The following SETD5 variants were observed in gnomAD, a reference collection of about 807,000 sequenced individuals.
SETD5 encodes the protein SET domain containing 5.
Under a neutral mutation model 153.3 loss-of-function variants are expected in SETD5, and 44 were observed. The ratio of observed to expected loss-of-function variants is 0.29; its 90% CI spans 0.23 to 0.37. The LOEUF (loss-of-function observed/expected upper bound fraction) is 0.37, where lower values mean the gene tolerates loss of function less well. SETD5 is among the 10% of genes least tolerant of loss of function. The probability of loss-of-function intolerance (pLI) is 1.00; values close to 1 mark genes in which losing one functional copy is unlikely to be tolerated. For synonymous variants in SETD5, 716 were observed against 645.2 expected, an observed-to-expected ratio of 1.11 and a Z score of -1.66; for missense variants, 1,544 against 1,768.0, an observed-to-expected ratio of 0.87 and a Z score of 2.27.
intron 7 of SETD5, among the ~76,000 whole-genome samples, chr3:9,440,030 C>A (rs1294294317): frequency 1.3e-5 from 2 of 152,136 alleles, no homozygotes; most frequent in African/African-American, 2.4e-5. Context: ...TAACACTTAA[C>A]ACAGATATTC....
intron 2 of SETD5, among the ~76,000 whole-genome samples, chr3:9,426,780 C>T (rs1164560217): frequency 6.6e-6 from 1 of 152,172 alleles, no homozygotes; most frequent in Non-Finnish European, 1.5e-5. Context: ...TCAAGCAATC[C>T]ACCTGCCTCA....
At chr3:9,443,804 G>C (rs2041591996) in intron 11 of SETD5, among the ~76,000 whole-genome samples, 1 of 152,192 alleles carries the variant, frequency 6.6e-6, no homozygotes, top group Non-Finnish European at 1.5e-5. Context: ...TGGCTCACAG[G>C]CCTGTAATCT....
rs2125625654 is a variant in SETD5, at chr3:9,475,137, C to T, written c.3701C>T (p.Pro1234Leu). 6.3e-7 allele frequency: 1 copy of T among 1,585,288 alleles called. No individual in the cohort carries two copies. The highest frequency in any genetic ancestry group is 1.8e-5 in the Admixed American group (1 of 55,486). ...ALSKGATVYS[P>L]SRYSYQLLQC... Reference sequence around the variant, plus strand: ...TCTAAAGGAGCAACAGTTTACAGCCCTTCCAGATACAGCTACCAGGTGAGA... The same window carrying T: ...TCTAAAGGAGCAACAGTTTACAGCCTTTCCAGATACAGCTACCAGGTGAGA... Residue 1234 changes from proline to leucine, a missense_variant, in exon 22 of 23, where the codon CCT becomes CTT. Physicochemically the swap from Pro to Leu is moderately conservative, Grantham distance 98 (BLOSUM62 -3). Coordinates refer to ENST00000402198, the MANE Select transcript of SETD5 (RefSeq NM_001080517.3).
At position 9,434,647 on chromosome 3, in the gene SETD5, A is replaced by G; in HGVS notation, c.329+162A>G. The G allele has an allele frequency of 6.8e-7, 1 of 1,471,070 alleles. No homozygotes were observed. Among genetic ancestry groups the G allele is most frequent in the Non-Finnish European group, 9.0e-7 (1 of 1,111,634 alleles). 91.1% of individuals were successfully genotyped at this position (1,471,070 alleles called of 1,614,324 possible). Reference sequence around the variant, plus strand: ...CTGCACTAGGTGAGAATTGCTGACAACAAGGAATGAGAGATTGATGTTAAA... The same window carrying G: ...CTGCACTAGGTGAGAATTGCTGACAGCAAGGAATGAGAGATTGATGTTAAA... On this transcript the variant is annotated intron_variant, in intron 5 of 22. Coordinates refer to ENST00000402198, the MANE Select transcript of SETD5 (RefSeq NM_001080517.3). This position sits in a 1 kb window ranked among gnomAD's most constrained non-coding sequence, Gnocchi z 5.6.
At position 9,406,607 on chromosome 3, in the gene SETD5, C is replaced by CAAAAA. The variant is rs746999028; in HGVS notation, c.-177+8640_-177+8644dup. Among the ~76,000 whole-genome samples the CAAAAA allele has an allele frequency of 6.0e-3, 594 of 99,224 alleles. 14 individuals carry two copies. Among genetic ancestry groups the CAAAAA allele is most frequent in the African/African-American group, 0.02 (509 of 25,406 alleles). The allele number at this position is 99,224 out of a possible 152,430, so 65.1% of individuals were successfully genotyped here. A position where few individuals can be genotyped will look rare whatever the true frequency, so the allele number is the denominator to read the frequency against. ...TGGGCGACAGAGCGAGACTCTGTCTCAAAAAAAAAAAAAAGAATAGATCTG... is the reference window on the plus strand; with the variant it reads ...TGGGCGACAGAGCGAGACTCTGTCTCAAAAAAAAAAAAAAAAAAAGAATAGATCTG... On this transcript the variant is annotated intron_variant, in intron 1 of 22. Transcript: ENST00000402198.
At chr3:9,412,389 T>TG (rs1445265662) in intron 1 of SETD5, among the ~76,000 whole-genome samples, 22 of 109,908 alleles carry the variant, frequency 2.0e-4, no homozygotes, top group African/African-American at 8.2e-4. Context: ...AGTTTTGGGT[T>TG]TTTTTTTTTT....
intron 17 of SETD5, among the ~76,000 whole-genome samples, chr3:9,459,028 T>C (rs2043597390): frequency 6.6e-6 from 1 of 152,162 alleles, no homozygotes; most frequent in African/African-American, 2.4e-5. Flanking sequence ...AAATCTATGC[T>C]TCAGGATTCG....
chr3:9,425,049 A>ATTTTTTTTTTTT (rs2038940055), intron 2 of SETD5, among the ~76,000 whole-genome samples: 1 of 123,392 alleles, frequency 8.1e-6, no homozygotes, highest in African/African-American at 3.7e-5. Flanking sequence ...GTTACCGACA[A>ATTTTTTTTTTTT]TGTTTCTTTT....
intron 18 of SETD5, chr3:9,468,612 G>A (rs2044912087): frequency 4.6e-6 from 6 of 1,300,694 alleles, no homozygotes; most frequent in Non-Finnish European, 6.1e-6. Flanking sequence ...CTTGGAGGCT[G>A]AGAGTGAGTG....
At chr3:9,411,972 G>T (rs903182587) in intron 1 of SETD5, among the ~76,000 whole-genome samples, 5 of 152,088 alleles carry the variant, frequency 3.3e-5, no homozygotes, top group African/African-American at 1.2e-4. Flanking sequence ...AAGTTTTAAG[G>T]AAGTAAGTCT....
At chr3:9,469,747 T>G (rs1216899206) in intron 18 of SETD5, among the ~76,000 whole-genome samples, 1 of 152,040 alleles carries the variant, frequency 6.6e-6, no homozygotes, top group African/African-American at 2.4e-5. Context: ...GTAGGTGGGG[T>G]TTATTTTTGG....
At chr3:9,413,798 G>A (rs2036994526) in intron 1 of SETD5, among the ~76,000 whole-genome samples, 1 of 151,830 alleles carries the variant, frequency 6.6e-6, no homozygotes, top group Non-Finnish European at 1.5e-5. Flanking sequence ...TTGTTTTTGA[G>A]ACGGAGTCTG....
chr3:9,428,487 A>G (rs925218098), intron 2 of SETD5, among the ~76,000 whole-genome samples: 4 of 152,226 alleles, frequency 2.6e-5, no homozygotes, highest in African/African-American at 9.6e-5. Context: ...CTTTATCTTA[A>G]AACTTGTTTG....
chr3:9,451,198 T>C (rs1014871766), intron 16 of SETD5, among the ~76,000 whole-genome samples: 2 of 152,202 alleles, frequency 1.3e-5, no homozygotes, highest in Non-Finnish European at 2.9e-5. Flanking sequence ...AATATTTCAT[T>C]TTATACACTG....
chr3:9,410,882 TTTTTTTC>T (rs1335085875), intron 1 of SETD5, among the ~76,000 whole-genome samples: 2 of 150,628 alleles, frequency 1.3e-5, no homozygotes, highest in African/African-American at 4.9e-5. Flanking sequence ...ATTCTCTTTT[TTTTTTTC>T]TTTTTTTTCT....
At chr3:9,402,295 G>A (rs942665132) in intron 1 of SETD5, among the ~76,000 whole-genome samples, 1 of 152,080 alleles carries the variant, frequency 6.6e-6, no homozygotes, top group African/African-American at 2.4e-5. Flanking sequence ...TTAGCGAAGG[G>A]AACTATGGGA....
rs1310494214 is a variant in SETD5, at chr3:9,434,980, T to G, written c.388+98T>G. The G allele has an allele frequency of 7.1e-7, 1 of 1,412,782 alleles. No individual in the cohort carries two copies. Among genetic ancestry groups the G allele is most frequent in the Admixed American group, 2.1e-5 (1 of 46,534 alleles). The allele number at this position is 1,412,782 out of a possible 1,614,324, so 87.5% of individuals were successfully genotyped here. ...CCCCTCTTGGCCAGGCGCAGTGGCT[T>G]ACGCCTGTAATCTCACCACTTAGGG... On this transcript the variant is annotated intron_variant, in intron 6 of 22. Coordinates refer to ENST00000402198, the MANE Select transcript of SETD5 (RefSeq NM_001080517.3). This position sits in a 1 kb window ranked among gnomAD's most constrained non-coding sequence, Gnocchi z 5.6.
At chr3:9,410,487 G>T (rs987327772) in intron 1 of SETD5, among the ~76,000 whole-genome samples, 1 of 152,030 alleles carries the variant, frequency 6.6e-6, no homozygotes, top group Admixed American at 6.5e-5. Flanking sequence ...TTTACTTTCA[G>T]ATTTTTCAGG....
intron 1 of SETD5, among the ~76,000 whole-genome samples, chr3:9,419,082 C>T (rs1202548888): frequency 6.6e-6 from 1 of 152,150 alleles, no homozygotes; most frequent in African/African-American, 2.4e-5. Flanking sequence ...CCGCCTTGGC[C>T]TCCCAAAGTG....
Sources: gnomAD v4.1 joint callset for allele counts (sites outside exome capture counted in the v4.1 genomes callset) on GRCh38, gnomAD v4.1.1 for gene constraint, Gnocchi (gnomAD v3.1) non-coding constraint, MANE v1.5 for transcripts, NCBI Gene and HGNC (gene_info 2026-07-23, HGNC 2026-07-21) for gene names.